The following KIFC3 variants were observed in gnomAD, a reference collection of about 807,000 sequenced individuals.
KIFC3 encodes kinesin family member C3, also known as kinesin-like protein KIFC3.
A neutral mutation model predicts 101.8 loss-of-function variants in KIFC3; 60 were observed. The ratio of observed to expected loss-of-function variants is 0.59; its 90% CI spans 0.48 to 0.73. KIFC3 has a LOEUF of 0.73. KIFC3 is among the 30% of genes least tolerant of loss of function. KIFC3 has a pLI of 0.00. For synonymous variants in KIFC3, 476 were observed against 482.7 expected, an observed-to-expected ratio of 0.99 and a Z score of 0.18; for missense variants, 966 against 1,137.1, an observed-to-expected ratio of 0.85 and a Z score of 2.16.
chr16:57,801,728 A>G (rs1441983941), intron 1 of KIFC3, among the ~76,000 whole-genome samples: 1 of 152,196 alleles, frequency 6.6e-6, no homozygotes, highest in Non-Finnish European at 1.5e-5. Flanking sequence ...TTCCTCTTTA[A>G]TATCTCCCAG....
chr16:57,821,063 C>T (rs12446371), intron 1 of KIFC3, among the ~76,000 whole-genome samples: 6,655 of 151,528 alleles, frequency 0.044, 200 homozygotes, highest in Middle Eastern at 0.079. Context: ...AGCAGAAGTT[C>T]GAGGCCGCAG....
At chr16:57,776,139 A>C in intron 3 of KIFC3, 1 of 985,458 alleles carries the variant, frequency 1.0e-6, no homozygotes, top group Non-Finnish European at 1.2e-6. Flanking sequence ...CCTCCCACCA[A>C]GCCCAGTCAA....
intron 1 of KIFC3, among the ~76,000 whole-genome samples, chr16:57,851,588 G>A: frequency 6.8e-6 from 1 of 147,872 alleles, no homozygotes; most frequent in Non-Finnish European, 1.5e-5. Flanking sequence ...TTTTTTTGAG[G>A]CAGAGTCTCG....
At chr16:57,788,521 C>T in intron 3 of KIFC3, 1 of 1,256,052 alleles carries the variant, frequency 8.0e-7, no homozygotes, top group Non-Finnish European at 1.0e-6. Context: ...AAGAGCCTCC[C>T]TCCTGCGCTG....
intron 3 of KIFC3, among the ~76,000 whole-genome samples, chr16:57,793,391 A>C (rs540724860): frequency 6.6e-6 from 1 of 152,124 alleles, no homozygotes; most frequent in Admixed American, 6.5e-5. Context: ...TTAGGAGTTC[A>C]AGACCAGCCT....
chr16:57,839,515 C>T (rs1231122878), intron 1 of KIFC3, among the ~76,000 whole-genome samples: 1 of 151,970 alleles, frequency 6.6e-6, no homozygotes, highest in Non-Finnish European at 1.5e-5. Flanking sequence ...ACTCCAGCCT[C>T]GGTGACAGAG....
At chr16:57,797,274 C>T (rs1455065143) in intron 2 of KIFC3, among the ~76,000 whole-genome samples, 2 of 152,174 alleles carry the variant, frequency 1.3e-5, no homozygotes, top group African/African-American at 4.8e-5. Flanking sequence ...CTGTAGGTCA[C>T]GAGGGACAGG....
intron 1 of KIFC3, chr16:57,815,526 C>G: frequency 8.6e-6 from 11 of 1,283,368 alleles, no homozygotes; most frequent in Non-Finnish European, 1.1e-5. Flanking sequence ...CCTGGCCTGA[C>G]TCTTCTACCA....
intron 1 of KIFC3, among the ~76,000 whole-genome samples, chr16:57,812,613 T>G (rs147044511): frequency 2.0e-5 from 3 of 152,072 alleles, no homozygotes; most frequent in Non-Finnish European, 4.4e-5. Flanking sequence ...TGTGTGGACC[T>G]GAAGGAATGT....
chr16:57,759,967 T>C (rs1555594367), intron 17 of KIFC3, 131 bp from the exon 18 acceptor site: 2 of 673,028 alleles, frequency 3.0e-6, no homozygotes, highest in Admixed American at 3.0e-5. Flanking sequence ...GGCATGATGT[T>C]TGTGCCCCAG....
In KIFC3 at chr16:57,761,629, C is replaced by T. The variant is rs1359790176; in HGVS notation, c.1749-93G>A. ...CCCCCAGCCAGGAATGTTCCCCCAA[C>T]CCAGGAAGCCTTCTCCAGCCATCAG... On this transcript the variant is annotated intron_variant, in intron 13 of 19. Transcript: ENST00000445690. 10 of 1,455,100 alleles carry T rather than the reference C, an allele frequency of 6.9e-6. No individual in the cohort carries two copies. The African/African-American group carries it at 1.4e-4, about 20-fold the overall frequency. The allele number at this position is 1,455,100 out of a possible 1,614,324, so 90.1% of individuals were successfully genotyped here.
intron 1 of KIFC3, among the ~76,000 whole-genome samples, chr16:57,852,978 T>C (rs12447493): frequency 0.047 from 7,133 of 152,236 alleles, 194 homozygotes; most frequent in Middle Eastern, 0.095. Flanking sequence ...ATTAGTATGC[T>C]ATAGTATATT....
chr16:57,789,222 G>A (rs1306078574), intron 3 of KIFC3, among the ~76,000 whole-genome samples: 1 of 152,224 alleles, frequency 6.6e-6, no homozygotes, highest in Non-Finnish European at 1.5e-5. Context: ...AGCAGGGGAA[G>A]GGCCACAGCC....
chr16:57,759,276 A>T, intron 18 of KIFC3, 123 bp from the exon 19 acceptor site: 1 of 1,197,380 alleles, frequency 8.4e-7, no homozygotes, highest in South Asian at 1.4e-5. Context: ...ATCTGGGCTA[A>T]ACAGGGGCTG....
chr16:57,762,404 T>C, intron 12 of KIFC3, 134 bp from the exon 13 acceptor site: 1 of 933,936 alleles, frequency 1.1e-6, no homozygotes. Context: ...TACCTGCCAC[T>C]GTCCCCCAAA....
chr16:57,855,961 C>T (rs866945434), intron 1 of KIFC3, among the ~76,000 whole-genome samples: 1 of 143,848 alleles, frequency 7.0e-6, no homozygotes, highest in South Asian at 2.2e-4. Flanking sequence ...AAAAAAAAAA[C>T]CAAAAACAAA....
chr16:57,760,634 G>A lies in KIFC3; in HGVS notation c.2232+92C>T, dbSNP rs1292757704. 4.1e-6 allele frequency: 5 copies of A among 1,218,282 alleles called. No individual in the cohort carries two copies. In the African/African-American group the frequency reaches 4.4e-5, roughly 11 times the overall value. The allele number at this position is 1,218,282 out of a possible 1,614,324, so 75.5% of individuals were successfully genotyped here. ...GTGTGGCCAGGTCTAGGGGCGGGGA[G>A]GTCCATTTGCACAGCCTGGGGTGAC... On this transcript the variant is annotated intron_variant, in intron 16 of 19. Transcript: ENST00000445690.
chr16:57,848,654 T>A (rs991208637), intron 1 of KIFC3, among the ~76,000 whole-genome samples: 2 of 152,124 alleles, frequency 1.3e-5, no homozygotes, highest in African/African-American at 2.4e-5. Context: ...AAGACGCCCA[T>A]ATGAAGCTAA....
rs564769146 is a variant in KIFC3, at chr16:57,768,303, G to A, written c.1218+1292C>T. 1.2e-4 allele frequency among the ~76,000 whole-genome samples: 19 copies of A among 152,160 alleles called. No individual in the cohort carries two copies. The East Asian group carries it at 2.9e-3, about 23-fold the overall frequency. Reference sequence around the variant, plus strand: ...GGGGGTTGCAGTAAGCTGAGATCCCGCCATTGCACTCCAGCCTGGGCAACA... The same window carrying A: ...GGGGGTTGCAGTAAGCTGAGATCCCACCATTGCACTCCAGCCTGGGCAACA... On this transcript the variant is annotated intron_variant, in intron 9 of 19. Coordinates refer to ENST00000445690, the MANE Select transcript of KIFC3 (RefSeq NM_001130100.2).
Sources: allele counts gnomAD v4.1 joint callset (sites outside exome capture counted in the v4.1 genomes callset), GRCh38; gene constraint gnomAD v4.1.1; transcripts MANE v1.5; gene names NCBI Gene and HGNC (gene_info 2026-07-23, HGNC 2026-07-21).